The following TXNDC15 variants were observed in gnomAD, a reference collection of about 807,000 sequenced individuals.
TXNDC15 encodes thioredoxin domain containing 15, also known as thioredoxin domain-containing protein 15.
In TXNDC15, 24 loss-of-function variants were observed where a neutral mutation model predicts 35.0. That is an observed-to-expected ratio of 0.68 (90% confidence interval 0.50 to 0.96). The LOEUF (loss-of-function observed/expected upper bound fraction) is 0.96. Among genes scored for constraint, TXNDC15 ranks in the 40% least tolerant of loss-of-function variants. The probability of loss-of-function intolerance (pLI) is 0.00; values close to 1 mark genes in which losing one functional copy is unlikely to be tolerated. For missense variants in TXNDC15, 385 were observed against 453.3 expected, an observed-to-expected ratio of 0.85 and a Z score of 1.37; for synonymous variants, 169 against 174.0, an observed-to-expected ratio of 0.97 and a Z score of 0.23.
chr5:134,878,290 T>A (rs958536802), intron 1 of TXNDC15, among the ~76,000 whole-genome samples: 2 of 152,224 alleles, frequency 1.3e-5, no homozygotes, highest in African/African-American at 4.8e-5. Flanking sequence ...ATAATCATCA[T>A]CATCACCACA....
intron 3 of TXNDC15, 124 bp downstream of exon 3, chr5:134,893,779 G>A: frequency 7.7e-7 from 1 of 1,298,216 alleles, no homozygotes; most frequent in South Asian, 1.3e-5. Flanking sequence ...GGGATGGAAG[G>A]CAAGGCAAGA....
At position 134,900,293 on chromosome 5, in the gene TXNDC15, C is replaced by G. The variant is rs561585898; in HGVS notation, c.*608C>G. 2 of 152,286 alleles carry G rather than the reference C, an allele frequency of 1.3e-5. No homozygotes were observed. Among genetic ancestry groups the G allele is most frequent in the African/African-American group, 4.8e-5 (2 of 41,460 alleles). 9.4% of individuals were successfully genotyped at this position (152,286 alleles called of 1,614,324 possible). A position where few individuals can be genotyped will look rare whatever the true frequency, so the allele number is the denominator to read the frequency against. ...TGTTAGGAGAAAGGAAATGCTGTAA[C>G]TAAAGCTCAATTATTATCAGTTCTA... On this transcript the variant is annotated 3_prime_UTR_variant, in exon 5 of 5. Transcript: ENST00000358387.
intron 1 of TXNDC15, 50 bp from the exon 2 acceptor site, chr5:134,887,645 T>G: frequency 1.3e-6 from 2 of 1,517,640 alleles, no homozygotes; most frequent in Non-Finnish European, 1.8e-6. Context: ...TCTTTGGGGT[T>G]CATTTGTTTT....
chr5:134,893,805 TATC>T, intron 3 of TXNDC15, 150 bp downstream of exon 3: 5 of 1,060,228 alleles, frequency 4.7e-6, no homozygotes, highest in Non-Finnish European at 6.8e-6. Context: ...TAGTGAGGAT[TATC>T]ATACTCCTGA....
chr5:134,890,786 C>T (rs1197598109), intron 2 of TXNDC15, among the ~76,000 whole-genome samples: 1 of 152,218 alleles, frequency 6.6e-6, no homozygotes, highest in Non-Finnish European at 1.5e-5. Context: ...GCATTTTACC[C>T]ACAGTAGAAC....
At chr5:134,875,084 T>C in intron 1 of TXNDC15, 1 of 454,970 alleles carries the variant, frequency 2.2e-6, no homozygotes, top group Non-Finnish European at 4.4e-6. Flanking sequence ...CAGTCTGGAG[T>C]CCACGCTGCT....
chr5:134,881,012 A>G (rs923091040), intron 1 of TXNDC15, among the ~76,000 whole-genome samples: 1 of 151,614 alleles, frequency 6.6e-6, no homozygotes, highest in African/African-American at 2.4e-5. Context: ...TTTGGCTATA[A>G]TTTCTTCAAA....
chr5:134,893,385 C>A, intron 2 of TXNDC15, 107 bp from the exon 3 acceptor site: 1 of 1,368,954 alleles, frequency 7.3e-7, no homozygotes, highest in Non-Finnish European at 1.0e-6. Flanking sequence ...GCTGCTCCTA[C>A]CCACCCGTTC....
intron 3 of TXNDC15, 24 bp from the exon 4 acceptor site, chr5:134,896,270 T>C (rs1403194799): frequency 1.9e-6 from 3 of 1,599,768 alleles, no homozygotes; most frequent in Non-Finnish European, 2.6e-6. Context: ...TAAATTCAGG[T>C]TTTTTGACTT....
In TXNDC15 at chr5:134,900,826, C is replaced by T. The variant is rs1474964393; in HGVS notation, c.*1141C>T. The T allele has an allele frequency of 2.7e-5, 4 of 150,930 alleles. No homozygotes were observed. The highest frequency in any genetic ancestry group is 4.4e-5 in the Non-Finnish European group (3 of 68,040). 9.3% of individuals were successfully genotyped at this position (150,930 alleles called of 1,614,324 possible). ...TTTTTTAGACAAAGTCTCACTCTGT[C>T]ACCTAGGCTGGAGTGCAATGGTGCA... is the stretch of plus-strand genomic sequence containing the variant. On this transcript the variant is annotated 3_prime_UTR_variant, in exon 5 of 5. Transcript: ENST00000358387.
At chr5:134,889,417 T>C (rs753945027) in intron 2 of TXNDC15, among the ~76,000 whole-genome samples, 2 of 152,076 alleles carry the variant, frequency 1.3e-5, no homozygotes, top group Non-Finnish European at 2.9e-5. Context: ...GGAAACGAGG[T>C]TTTACCACGT....
At chr5:134,888,489 A>AT (rs1422604825) in intron 2 of TXNDC15, among the ~76,000 whole-genome samples, 1 of 152,020 alleles carries the variant, frequency 6.6e-6, no homozygotes, top group East Asian at 1.9e-4. Context: ...AAATCATAGC[A>AT]TTTTTCCTTT....
intron 1 of TXNDC15, among the ~76,000 whole-genome samples, chr5:134,886,418 A>G (rs1402125331): frequency 1.3e-5 from 2 of 152,240 alleles, no homozygotes; most frequent in African/African-American, 4.8e-5. Flanking sequence ...GGTGCCTGGC[A>G]CAAAGTCTGG....
chr5:134,897,934 A>G (rs1750527321), intron 4 of TXNDC15, among the ~76,000 whole-genome samples: 1 of 152,056 alleles, frequency 6.6e-6, no homozygotes, highest in Non-Finnish European at 1.5e-5. Flanking sequence ...GCTTGAGCCC[A>G]GGAGGCAGAG....
chr5:134,893,386 C>T, intron 2 of TXNDC15, 106 bp from the exon 3 acceptor site: 3 of 1,369,684 alleles, frequency 2.2e-6, no homozygotes, highest in Non-Finnish European at 3.1e-6. Context: ...CTGCTCCTAC[C>T]CACCCGTTCC....
intron 2 of TXNDC15, chr5:134,893,210 C>A: frequency 3.5e-6 from 1 of 287,580 alleles, no homozygotes; most frequent in Non-Finnish European, 6.5e-6. Context: ...ATTAAAATAA[C>A]TTGTAATATT....
rs1429199293 is a variant in TXNDC15 at position 134,900,108 on chromosome 5, T to A, written c.*423T>A. Reference sequence around the variant, plus strand: ...GTTAGTTTTCTGTTTCTTTGCAGTTTTTCTTCTAGAGTCCATAGCAGGAAA... The same window carrying A: ...GTTAGTTTTCTGTTTCTTTGCAGTTATTCTTCTAGAGTCCATAGCAGGAAA... On this transcript the variant is annotated 3_prime_UTR_variant, in exon 5 of 5. Transcript: ENST00000358387. 1 of 154,278 alleles carries A rather than the reference T, an allele frequency of 6.5e-6. No individual in the cohort carries two copies. The highest frequency in any genetic ancestry group is 1.9e-4 in the East Asian group (1 of 5,234). 9.6% of individuals were successfully genotyped at this position (154,278 alleles called of 1,614,324 possible).
rs1453446408 is a variant in TXNDC15 at position 134,891,327 on chromosome 5, A to G, written c.592-2165A>G. Among the ~76,000 whole-genome samples the G allele has an allele frequency of 2.6e-5, 4 of 152,216 alleles. No homozygotes were observed. In the East Asian group the frequency reaches 7.7e-4, roughly 29 times the overall value. On this transcript the variant is annotated intron_variant, in intron 2 of 4. Transcript: ENST00000358387. ...TAAATAATAAGAGTTAAAAGTTGAA[A>G]TCCCTCCTTGATTCATGGGCTGCAG...
chr5:134,884,945 C>T (rs1344846682), intron 1 of TXNDC15, among the ~76,000 whole-genome samples: 7 of 144,728 alleles, frequency 4.8e-5, no homozygotes, highest in African/African-American at 7.7e-5. Context: ...TTTTCTGAGA[C>T]GGATTTCTCT....
Sources: allele counts gnomAD v4.1 joint callset (sites outside exome capture counted in the v4.1 genomes callset), GRCh38; gene constraint gnomAD v4.1.1; transcripts MANE v1.5; gene names NCBI Gene and HGNC (gene_info 2026-07-23, HGNC 2026-07-21).